Variants in RIN3 observed in about 807,000 individuals in gnomAD.
RIN3 encodes Ras and Rab interactor 3.
In RIN3, 54 loss-of-function variants were observed where a neutral mutation model predicts 76.3. That is an observed-to-expected ratio of 0.71 (90% CI 0.57 to 0.89). The LOEUF (loss-of-function observed/expected upper bound fraction) is 0.89, where lower values mean the gene tolerates loss of function less well. Ranked by LOEUF, RIN3 falls within the 40% of genes least tolerant of loss-of-function variation. The probability of loss-of-function intolerance (pLI) is 0.00; values close to 1 mark genes in which losing one functional copy is unlikely to be tolerated. For missense variants in RIN3, 1,256 were observed against 1,322.1 expected, an observed-to-expected ratio of 0.95 and a Z score of 0.78; for synonymous variants, 576 against 564.0, an observed-to-expected ratio of 1.02 and a Z score of -0.30.
chr14:92,637,030 C>G (rs1384273352), intron 4 of RIN3, among the ~76,000 whole-genome samples: 1 of 152,118 alleles, frequency 6.6e-6, no homozygotes, highest in East Asian at 1.9e-4. Flanking sequence ...CTTTTTGGCA[C>G]CAGGGACCAC....
intron 4 of RIN3, among the ~76,000 whole-genome samples, chr14:92,638,976 G>T (rs1886879274): frequency 1.3e-5 from 2 of 152,252 alleles, no homozygotes; most frequent in African/African-American, 4.8e-5. Flanking sequence ...GGAGGCCACA[G>T]AAGCCAACAT....
chr14:92,678,181 T>G (rs1052796674), intron 8 of RIN3, among the ~76,000 whole-genome samples: 6 of 136,380 alleles, frequency 4.4e-5, no homozygotes, highest in Non-Finnish European at 7.9e-5. Context: ...CACCCACCCA[T>G]TCACCCATCC....
chr14:92,555,864 T>A lies in RIN3; in HGVS notation c.158T>A (p.Leu53Gln). The A allele has an allele frequency of 6.2e-7, 1 of 1,614,186 alleles. No individual in the cohort carries two copies. Among genetic ancestry groups the A allele is most frequent in the Non-Finnish European group, 8.5e-7 (1 of 1,180,034 alleles). Residue 53 changes from leucine (L) to glutamine (Q), a missense_variant, in exon 2 of 10, where the codon CTG (leucine) becomes CAG (glutamine). Coordinates refer to ENST00000216487, the MANE Select transcript of RIN3 (RefSeq NM_024832.5). ...CLPHRRGISI[L>Q]EKLIKTCPVW... The stretch of plus-strand genomic sequence containing the variant: ...CCTCACCGCCGGGGCATCAGCATCC[T>A]GGAGAAGCTCATCAAAACATGCCCG...
intron 2 of RIN3, among the ~76,000 whole-genome samples, chr14:92,557,930 A>C (rs1897643380): frequency 6.6e-6 from 1 of 152,242 alleles, no homozygotes; most frequent in South Asian, 2.1e-4. Context: ...GGACATGTGC[A>C]GGGCAGGTGT....
chr14:92,593,989 C>G (rs2896215), intron 3 of RIN3, among the ~76,000 whole-genome samples: 37,185 of 152,082 alleles, frequency 0.24, 5,758 homozygotes, highest in Non-Finnish European at 0.34. Flanking sequence ...TTGAATTCAG[C>G]AGCACCATAA....
At chr14:92,594,339 G>A (rs1885083456) in intron 3 of RIN3, among the ~76,000 whole-genome samples, 1 of 151,192 alleles carries the variant, frequency 6.6e-6, no homozygotes, top group South Asian at 2.1e-4. Context: ...GGCTGAGGCA[G>A]GAGAATCACC....
chr14:92,618,885 G>A (rs948504199), intron 4 of RIN3, among the ~76,000 whole-genome samples: 4 of 152,146 alleles, frequency 2.6e-5, no homozygotes, highest in Non-Finnish European at 5.9e-5. Context: ...GGAAGGACAA[G>A]GTGGCCATCC....
chr14:92,572,139 C>T lies in RIN3; in HGVS notation c.250-5221C>T, dbSNP rs535409467. The stretch of plus-strand genomic sequence containing the variant: ...TTTGACTTAGGGTTTTCTGTGTTAG[C>T]ATGCTTCCAGGGTCTTGTGTCCGTC... On this transcript the variant is annotated intron_variant, in intron 2 of 9. Coordinates refer to ENST00000216487, the MANE Select transcript of RIN3 (RefSeq NM_024832.5). Among the ~76,000 whole-genome samples, 9 of 152,334 alleles carry T rather than the reference C, an allele frequency of 5.9e-5. No individual in the cohort carries two copies. In the East Asian group the frequency reaches 1.2e-3, roughly 20 times the overall value.
At chr14:92,515,517 C>T (rs960468386) in intron 1 of RIN3, 1 of 470,266 alleles carries the variant, frequency 2.1e-6, no homozygotes, top group Admixed American at 4.1e-5. Flanking sequence ...AGTAACTACC[C>T]CTTAGAGTTG....
intron 1 of RIN3, among the ~76,000 whole-genome samples, chr14:92,542,121 T>G (rs556300107): frequency 6.6e-6 from 1 of 152,092 alleles, no homozygotes; most frequent in Admixed American, 6.6e-5. Context: ...AGACCCTGTC[T>G]GTACAAAAAA....
At chr14:92,670,449 C>A (rs909141649) in intron 7 of RIN3, among the ~76,000 whole-genome samples, 1 of 152,146 alleles carries the variant, frequency 6.6e-6, no homozygotes, top group Admixed American at 6.5e-5. Flanking sequence ...AGTGGCACTT[C>A]CTGAGGCTCC....
At chr14:92,534,482 A>T (rs1896951011) in intron 1 of RIN3, among the ~76,000 whole-genome samples, 1 of 151,774 alleles carries the variant, frequency 6.6e-6, no homozygotes, top group Admixed American at 6.6e-5. Flanking sequence ...CAGGAGGCTG[A>T]GGCAGGAGAA....
chr14:92,685,057 C>T lies in RIN3; in HGVS notation c.2538C>T (p.Thr846=). 6.2e-7 allele frequency: 1 copy of T among 1,614,004 alleles called. No homozygotes were observed. Among genetic ancestry groups the T allele is most frequent in the Non-Finnish European group, 8.5e-7 (1 of 1,179,988 alleles). ...AGAGCTACGACAAGATCACGGTGAC[C>T]CGGCAGCTGAGTGTGGAGGTGCAGG... ...HIKSYDKITV[T]RQLSVEVQDS... Residue 846 remains threonine, a synonymous_variant, in exon 9 of 10, where the codon ACC becomes ACT. Coordinates refer to ENST00000216487, the MANE Select transcript of RIN3 (RefSeq NM_024832.5). The surrounding 1 kb of genome is among the most constrained non-coding windows in gnomAD (Gnocchi z 4.7).
Position 92,637,431 on chromosome 14 carries a change from T to G in RIN3, c.441-3807T>G, listed in dbSNP as rs144109772. On this transcript the variant is annotated intron_variant, in intron 4 of 9. Coordinates refer to ENST00000216487, the MANE Select transcript of RIN3 (RefSeq NM_024832.5). ...GATGGGGAGCAGCTGTCAAGACAGA[T>G]GAAGCTTTGCTCACTCGCCCGCTGC... 3.4e-3 allele frequency among the ~76,000 whole-genome samples: 524 copies of G among 152,264 alleles called. 2 individuals are homozygous for G. Among genetic ancestry groups the G allele is most frequent in the African/African-American group, 0.012 (505 of 41,532 alleles).
At chr14:92,535,330 CTTTCT>C (rs900758575) in intron 1 of RIN3, among the ~76,000 whole-genome samples, 1 of 142,922 alleles carries the variant, frequency 7.0e-6, no homozygotes, top group African/African-American at 2.7e-5. Context: ...TCTTTTCTTT[CTTTCT>C]TTTTTTTTTT....
intron 4 of RIN3, among the ~76,000 whole-genome samples, chr14:92,627,295 C>A (rs932286518): frequency 6.6e-6 from 1 of 152,194 alleles, no homozygotes; most frequent in African/African-American, 2.4e-5. Flanking sequence ...CACTCCTTTC[C>A]ATTCACTTCA....
At chr14:92,517,822 G>A (rs912184760) in intron 1 of RIN3, among the ~76,000 whole-genome samples, 5 of 152,180 alleles carry the variant, frequency 3.3e-5, no homozygotes, top group Non-Finnish European at 7.3e-5. Context: ...GGCCCTTCTG[G>A]TGGTTTGGTT....
In RIN3 at chr14:92,665,571, T is replaced by C. The variant is rs866547737; in HGVS notation, c.2335+6102T>C. Among the ~76,000 whole-genome samples the C allele has an allele frequency of 9.9e-5, 15 of 151,702 alleles. No homozygotes were observed. The East Asian group carries it at 1.5e-3, about 16-fold the overall frequency. ...TTTTTTTTCGTATTTTTAGTAGAGA[T>C]GGGGTTTCACCATGTTAGCCAGGAT... On this transcript the variant is annotated intron_variant, in intron 7 of 9. Transcript: ENST00000216487.
chr14:92,685,801 C>A lies in RIN3; in HGVS notation c.2631+651C>A, dbSNP rs1387314992. The A allele has an allele frequency of 6.6e-6, 1 of 152,470 alleles. No individual in the cohort carries two copies. Among genetic ancestry groups the A allele is most frequent in the African/African-American group, 2.4e-5 (1 of 41,452 alleles). The allele number at this position is 152,470 out of a possible 1,614,324, so 9.4% of individuals were successfully genotyped here. On this transcript the variant is annotated intron_variant, in intron 9 of 9. Transcript: ENST00000216487. This position sits in a 1 kb window ranked among gnomAD's most constrained non-coding sequence, Gnocchi z 4.7. ...TTCTTCACTGGCTGTCACTGCCCAT[C>A]CTTTAAGACGACTCAGTTTCTCCAA...
Sources: allele counts gnomAD v4.1 joint callset (sites outside exome capture counted in the v4.1 genomes callset), GRCh38; gene constraint gnomAD v4.1.1; non-coding constraint Gnocchi (gnomAD v3.1); transcripts MANE v1.5; gene names NCBI Gene and HGNC (gene_info 2026-07-23, HGNC 2026-07-21).